The following DLG5 variants were observed in gnomAD, a reference collection of about 807,000 sequenced individuals.
DLG5 encodes the protein disks large homolog 5.
In DLG5, 48 loss-of-function variants were observed where a neutral mutation model predicts 189.8. That is an observed-to-expected ratio of 0.25 (90% CI 0.20 to 0.32). The LOEUF (loss-of-function observed/expected upper bound fraction) is 0.32, where lower values mean the gene tolerates loss of function less well. Ranked by LOEUF, DLG5 falls within the 10% of genes least tolerant of loss-of-function variation. DLG5 has a pLI of 1.00. For synonymous variants in DLG5, 1,016 were observed against 1,054.1 expected, an observed-to-expected ratio of 0.96 and a Z score of 0.70; for missense variants, 2,160 against 2,544.7, an observed-to-expected ratio of 0.85 and a Z score of 3.25.
At chr10:77,913,204 C>T (rs922392270) in intron 1 of DLG5, among the ~76,000 whole-genome samples, 2 of 152,196 alleles carry the variant, frequency 1.3e-5, no homozygotes, top group South Asian at 2.1e-4. Flanking sequence ...GATTGCAAGT[C>T]GCCACCTAGA....
At chr10:77,804,878 C>T (rs772063117) in intron 27 of DLG5, among the ~76,000 whole-genome samples, 1 of 152,248 alleles carries the variant, frequency 6.6e-6, no homozygotes, top group Non-Finnish European at 1.5e-5. Flanking sequence ...GCAGAGATTG[C>T]TTCTTGCCTA....
chr10:77,863,680 C>T (rs1238258219), intron 2 of DLG5, among the ~76,000 whole-genome samples: 1 of 152,236 alleles, frequency 6.6e-6, no homozygotes, highest in Admixed American at 6.5e-5. Context: ...TGACCTCAGG[C>T]TTTCCTTACC....
intron 13 of DLG5, among the ~76,000 whole-genome samples, chr10:77,826,939 C>T (rs992226295): frequency 2.0e-5 from 3 of 152,132 alleles, no homozygotes; most frequent in African/African-American, 7.2e-5. Flanking sequence ...CAGAGTGATA[C>T]TCCATCTTAA....
intron 4 of DLG5, among the ~76,000 whole-genome samples, chr10:77,853,829 G>A (rs1844099110): frequency 6.6e-6 from 1 of 152,176 alleles, no homozygotes; most frequent in Non-Finnish European, 1.5e-5. Flanking sequence ...ACTGGGGCCT[G>A]GACAGATATC....
intron 5 of DLG5, among the ~76,000 whole-genome samples, chr10:77,848,864 T>TG (rs1183420365): frequency 1.1e-4 from 17 of 152,300 alleles, no homozygotes; most frequent in African/African-American, 3.6e-4. Context: ...AGTAGGTGGG[T>TG]GGCTGCCCAC....
chr10:77,832,879 AT>A (rs1265797959), intron 9 of DLG5, among the ~76,000 whole-genome samples: 1 of 152,102 alleles, frequency 6.6e-6, no homozygotes, highest in Non-Finnish European at 1.5e-5. Context: ...CCCCTATAAT[AT>A]TCCTGAGAGC....
chr10:77,894,565 G>A (rs865921258), intron 1 of DLG5, among the ~76,000 whole-genome samples: 1 of 16,882 alleles, frequency 5.9e-5, no homozygotes, highest in South Asian at 1.7e-3. Flanking sequence ...TTTTTTTTTT[G>A]ATGGGGTAGG....
intron 2 of DLG5, 74 bp downstream of exon 2, chr10:77,869,055 A>G (rs1844798070): frequency 3.1e-6 from 4 of 1,292,588 alleles, no homozygotes. Context: ...TTCCTCTCCC[A>G]TGAACCCCAG....
intron 1 of DLG5, among the ~76,000 whole-genome samples, chr10:77,917,166 C>G (rs1301410181): frequency 6.6e-6 from 1 of 151,704 alleles, no homozygotes; most frequent in Non-Finnish European, 1.5e-5. Flanking sequence ...AAAGCCCCGT[C>G]TCTTAAAAAA....
Position 77,834,011 on chromosome 10 carries a change from G to A in DLG5, c.1651C>T (p.Arg551Trp), listed in dbSNP as rs1021146314. 4.3e-6 allele frequency: 7 copies of A among 1,609,226 alleles called. No individual in the cohort carries two copies. The highest frequency in any genetic ancestry group is 1.1e-5 in the South Asian group (1 of 91,042). Residue 551 changes from arginine to tryptophan, a missense_variant, in exon 9 of 32, where the codon CGG becomes TGG. Physicochemically the swap from Arg to Trp is moderately radical, Grantham distance 101. Around this residue, in one of 5 missense-constraint regions of DLG5, gnomAD observed 664 missense variants for 838.5 expected, o/e 0.79. Coordinates refer to ENST00000372391, the MANE Select transcript of DLG5 (RefSeq NM_004747.4). ...GCCAGCTCGCTCACCGCACGGTCCCGCTCCCGCCTCAGGTTGTCACACAGT... is the reference window on the plus strand; with the variant it reads ...GCCAGCTCGCTCACCGCACGGTCCCACTCCCGCCTCAGGTTGTCACACAGT... Reference protein sequence around the residue: ...RTLCDNLRRERDRAVSELAEA... With the variant: ...RTLCDNLRREWDRAVSELAEA...
chr10:77,800,561 G>A (rs1363180530), intron 27 of DLG5, among the ~76,000 whole-genome samples: 1 of 151,844 alleles, frequency 6.6e-6, no homozygotes. Flanking sequence ...CCAGGCACGG[G>A]GCCGCCGCTG....
At chr10:77,939,650 C>G in the DLG5 span, among the ~76,000 whole-genome samples, 2 of 152,182 alleles carry the variant, frequency 1.3e-5, no homozygotes. Flanking sequence ...GCAAGGCTGA[C>G]CCCTTTAAGC....
intron 1 of DLG5, among the ~76,000 whole-genome samples, chr10:77,875,479 G>T (rs1845055187): frequency 6.6e-6 from 1 of 151,198 alleles, no homozygotes; most frequent in Non-Finnish European, 1.5e-5. Context: ...GGCATTCTGA[G>T]CTGAGCCACT....
At chr10:77,816,083 G>C in intron 20 of DLG5, 2 of 463,804 alleles carry the variant, frequency 4.3e-6, no homozygotes, top group South Asian at 3.1e-5. Context: ...GAATGAGAGG[G>C]AAAAAGCAAA....
intron 20 of DLG5, chr10:77,815,943 C>G (rs1842029244): frequency 2.7e-6 from 1 of 374,756 alleles, no homozygotes; most frequent in South Asian, 2.0e-5. Context: ...TCTGGACAGA[C>G]AGCAAGCCTA....
chr10:77,861,940 C>T (rs558981137), intron 2 of DLG5, among the ~76,000 whole-genome samples: 45 of 152,302 alleles, frequency 3.0e-4, no homozygotes, highest in African/African-American at 7.2e-4. Flanking sequence ...AAAGTGCAGC[C>T]GATGCCTCCG....
At chr10:77,886,411 C>T (rs1202347432) in intron 1 of DLG5, among the ~76,000 whole-genome samples, 1 of 148,624 alleles carries the variant, frequency 6.7e-6, no homozygotes, top group African/African-American at 2.5e-5. Context: ...GACAGAGTCT[C>T]GCTCTGTCAC....
intron 7 of DLG5, among the ~76,000 whole-genome samples, chr10:77,838,178 G>C (rs1441059108): frequency 6.6e-6 from 1 of 152,214 alleles, no homozygotes; most frequent in Non-Finnish European, 1.5e-5. Context: ...GTAGCTGCAT[G>C]TGTAACTGCA....
At chr10:77,858,903 CTTG>C (rs1218783716) in intron 2 of DLG5, among the ~76,000 whole-genome samples, 20 of 152,100 alleles carry the variant, frequency 1.3e-4, no homozygotes, top group Admixed American at 1.2e-3. Flanking sequence ...GAGACAGGGT[CTTG>C]TTGTCACCCA....
Sources: allele counts gnomAD v4.1 joint callset (sites outside exome capture counted in the v4.1 genomes callset), GRCh38; gene constraint gnomAD v4.1.1; regional missense constraint gnomAD v4.1.1; transcripts MANE v1.5; gene names NCBI Gene and HGNC (gene_info 2026-07-23, HGNC 2026-07-21).